Variants in KCNN3 observed in about 807,000 individuals in gnomAD.
KCNN3 encodes small conductance calcium-activated potassium channel protein 3.
KCNN3 carries 16 observed loss-of-function variants against 62.9 expected under a neutral mutation model. That is an observed-to-expected ratio of 0.25 (90% CI 0.17 to 0.39). The LOEUF is 0.39. KCNN3 is among the 10% of genes least tolerant of loss of function. KCNN3 has a pLI of 1.00. For synonymous variants in KCNN3, 370 were observed against 389.2 expected, an observed-to-expected ratio of 0.95 and a Z score of 0.58; for missense variants, 599 against 949.4, an observed-to-expected ratio of 0.63 and a Z score of 4.85.
At chr1:154,711,827 T>C (rs1398726605) in intron 7 of KCNN3, among the ~76,000 whole-genome samples, 2 of 152,118 alleles carry the variant, frequency 1.3e-5, no homozygotes, top group African/African-American at 2.4e-5. Context: ...AAAACTATTA[T>C]ATGTACTCTC....
Position 154,708,282 on chromosome 1 carries a change from G to T in KCNN3, c.1900-10C>A. ...ACATGACATTCTGCATCTGTGTGGA[G>T]AGAGAGAGGCGAGAGACAGGGAGAT... On this transcript the variant is annotated splice_polypyrimidine_tract_variant and intron_variant, in intron 7 of 7. Coordinates refer to ENST00000271915, the MANE Select transcript of KCNN3 (RefSeq NM_002249.6). 5 of 1,612,948 alleles carry T rather than the reference G, an allele frequency of 3.1e-6. No individual in the cohort carries two copies. Among genetic ancestry groups the T allele is most frequent in the Non-Finnish European group, 4.2e-6 (5 of 1,179,676 alleles).
At chr1:154,744,616 C>G (rs1193896570) in intron 3 of KCNN3, among the ~76,000 whole-genome samples, 2 of 152,226 alleles carry the variant, frequency 1.3e-5, no homozygotes, top group Non-Finnish European at 2.9e-5. Flanking sequence ...AGGAAAGAGA[C>G]TTTCATGGAG....
At chr1:154,825,702 GC>G (rs1426648326) in intron 1 of KCNN3, among the ~76,000 whole-genome samples, 5 of 151,480 alleles carry the variant, frequency 3.3e-5, no homozygotes, top group African/African-American at 1.2e-4. Context: ...ATTCCTAAAT[GC>G]CCACAAATTT....
chr1:154,869,758 CTGCTGCTGA>C lies in KCNN3; in HGVS notation c.198_206del (p.Gln78_Gln80del). The C allele has an allele frequency of 6.6e-7, 1 of 1,523,290 alleles. No homozygotes were observed. 94.4% of individuals were successfully genotyped at this position (1,523,290 alleles called of 1,614,324 possible). ...GCTGCTGCTGCTGCTGCTGCTGCTG[CTGCTGCTGA>C]AGCTGCGGAGGCTGAGGCTGCAGCG... On this transcript the variant is annotated inframe_deletion, in exon 1 of 8. Transcript: ENST00000271915. The surrounding 1 kb of genome is among the most constrained non-coding windows in gnomAD (Gnocchi z 6.1).
intron 1 of KCNN3, among the ~76,000 whole-genome samples, chr1:154,844,223 A>C (rs78212828): frequency 1.3e-5 from 2 of 152,208 alleles, no homozygotes; most frequent in African/African-American, 2.4e-5. Context: ...TAATTCATGC[A>C]TTATTAGTAC....
intron 1 of KCNN3, among the ~76,000 whole-genome samples, chr1:154,867,148 G>C (rs1243070687): frequency 6.6e-6 from 1 of 152,208 alleles, no homozygotes; most frequent in African/African-American, 2.4e-5. Context: ...GGTCTCCAAG[G>C]GAGGACTGGA....
At chr1:154,798,743 A>G (rs1329145075) in intron 2 of KCNN3, among the ~76,000 whole-genome samples, 1 of 152,216 alleles carries the variant, frequency 6.6e-6, no homozygotes, top group Non-Finnish European at 1.5e-5. Flanking sequence ...GATTAGGGGC[A>G]CGAGACTTAC....
chr1:154,747,923 C>T (rs530937089), intron 3 of KCNN3, among the ~76,000 whole-genome samples: 6 of 152,290 alleles, frequency 3.9e-5, no homozygotes, highest in South Asian at 4.1e-4. Flanking sequence ...CCCCTTAGGC[C>T]TAGGAAATCA....
At chr1:154,808,316 C>T (rs749414115) in intron 2 of KCNN3, among the ~76,000 whole-genome samples, 11 of 152,314 alleles carry the variant, frequency 7.2e-5, no homozygotes, top group East Asian at 1.9e-4. Context: ...CCTCCCATTC[C>T]GCAGAGCCCT....
intron 1 of KCNN3, among the ~76,000 whole-genome samples, chr1:154,867,754 CAAAT>C (rs1341251571): frequency 7.9e-6 from 1 of 125,846 alleles, no homozygotes; most frequent in African/African-American, 3.0e-5. Context: ...CCCCAAATGA[CAAAT>C]AAATAGAAAA....
At chr1:154,747,633 C>G (rs577336707) in intron 3 of KCNN3, among the ~76,000 whole-genome samples, 1 of 152,192 alleles carries the variant, frequency 6.6e-6, no homozygotes, top group East Asian at 1.9e-4. Flanking sequence ...TGATTTATAA[C>G]CTGGGGCACA....
At position 154,747,908 on chromosome 1, in the gene KCNN3, G is replaced by A. The variant is rs545232793; in HGVS notation, c.1449-14764C>T. On this transcript the variant is annotated intron_variant, in intron 3 of 7. Coordinates refer to ENST00000271915, the MANE Select transcript of KCNN3 (RefSeq NM_002249.6). ...TTCCCTCATGCTGGCCCCTCTGCCC[G>A]GAGGCCCCTTAGGCCTAGGAAATCA... 1.6e-4 allele frequency among the ~76,000 whole-genome samples: 25 copies of A among 152,220 alleles called. 1 individual carries two copies. Among genetic ancestry groups the A allele is most frequent in the Admixed American group, 1.4e-3 (21 of 15,306 alleles).
At position 154,822,081 on chromosome 1, in the gene KCNN3, G is replaced by A. The variant is rs1650922546; in HGVS notation, c.1029+8C>T. On this transcript the variant is annotated splice_region_variant and intron_variant, in intron 2 of 7. Transcript: ENST00000271915. Reference sequence around the variant, plus strand: ...CGCTGCATGAAGGGGTGAGGTGGGGGCACCTACCTGGACTTCACGTGTGTG... The same window carrying A: ...CGCTGCATGAAGGGGTGAGGTGGGGACACCTACCTGGACTTCACGTGTGTG... The A allele has an allele frequency of 6.2e-7, 1 of 1,605,460 alleles. No individual in the cohort carries two copies. Among genetic ancestry groups the A allele is most frequent in the African/African-American group, 1.3e-5 (1 of 74,726 alleles).
intron 3 of KCNN3, among the ~76,000 whole-genome samples, chr1:154,753,986 C>T (rs1052737559): frequency 3.9e-5 from 6 of 152,198 alleles, no homozygotes; most frequent in Admixed American, 6.5e-5. Flanking sequence ...TTTCTGACTC[C>T]AGGGGCCATG....
chr1:154,851,006 C>A (rs1652278066), intron 1 of KCNN3, among the ~76,000 whole-genome samples: 1 of 152,188 alleles, frequency 6.6e-6, no homozygotes, highest in Non-Finnish European at 1.5e-5. Context: ...GAGGCAGAGT[C>A]TCGCTCTGTC....
At chr1:154,788,620 C>T (rs1387644158) in intron 2 of KCNN3, among the ~76,000 whole-genome samples, 2 of 152,102 alleles carry the variant, frequency 1.3e-5, no homozygotes, top group Non-Finnish European at 2.9e-5. Flanking sequence ...CTGAGAGGCA[C>T]CAAATACTCC....
At chr1:154,861,579 C>T (rs1396026144) in intron 1 of KCNN3, among the ~76,000 whole-genome samples, 1 of 152,162 alleles carries the variant, frequency 6.6e-6, no homozygotes, top group Non-Finnish European at 1.5e-5. Flanking sequence ...TGCCCGAGCC[C>T]CTCCCATCAT....
chr1:154,794,506 A>G (rs1213672115), intron 2 of KCNN3, among the ~76,000 whole-genome samples: 1 of 152,254 alleles, frequency 6.6e-6, no homozygotes, highest in African/African-American at 2.4e-5. Flanking sequence ...TGATGGGATC[A>G]GGGACCCTCT....
At chr1:154,856,851 T>C (rs1340495164) in intron 1 of KCNN3, among the ~76,000 whole-genome samples, 14 of 151,934 alleles carry the variant, frequency 9.2e-5, no homozygotes, top group Admixed American at 8.5e-4. Context: ...AGATAGCCCA[T>C]ATAGAAGAAT....
Sources: gnomAD v4.1 joint callset for allele counts (sites outside exome capture counted in the v4.1 genomes callset) on GRCh38, gnomAD v4.1.1 for gene constraint, Gnocchi (gnomAD v3.1) non-coding constraint, MANE v1.5 for transcripts, NCBI Gene and HGNC (gene_info 2026-07-23, HGNC 2026-07-21) for gene names.